ERI3: variants seen among roughly 807,000 people sequenced by gnomAD.
The protein encoded by ERI3 is ERI1 exoribonuclease 3.
A neutral mutation model predicts 44.4 loss-of-function variants in ERI3; 18 were observed. The observed-to-expected ratio is 0.41, with a 90% CI of 0.28 to 0.60. The LOEUF (loss-of-function observed/expected upper bound fraction) is 0.60. Ranked by LOEUF, ERI3 falls within the 20% of genes least tolerant of loss-of-function variation. ERI3 has a pLI of 0.36. For missense variants in ERI3, 294 were observed against 435.5 expected, an observed-to-expected ratio of 0.68 and a Z score of 2.89; for synonymous variants, 183 against 164.8, an observed-to-expected ratio of 1.11 and a Z score of -0.84.
chr1:44,313,221 C>G lies in ERI3; in HGVS notation c.614G>C (p.Gly205Ala). 1 of 1,614,052 alleles carries G rather than the reference C, an allele frequency of 6.2e-7. No homozygotes were observed. The highest frequency in any genetic ancestry group is 8.5e-7 in the Non-Finnish European group (1 of 1,180,008). Residue 205 changes from glycine (G) to alanine (A), a missense_variant, in exon 5 of 9, where the codon GGG becomes GCG. Physicochemically the swap from Gly to Ala is moderately conservative, Grantham distance 60 (BLOSUM62 0). Transcript: ENST00000372257. ...QLTPFCTELTGIIQAMVDGQP... is the reference protein window; with the variant it reads ...QLTPFCTELTAIIQAMVDGQP... ...ACCATCCACCATGGCTTGAATAATC[C>G]CGGTGAGCTGAAAGGAAAGAGAAAT... is the stretch of plus-strand genomic sequence containing the variant.
chr1:44,351,370 C>T (rs1646887018), intron 2 of ERI3, among the ~76,000 whole-genome samples: 1 of 152,188 alleles, frequency 6.6e-6, no homozygotes, highest in African/African-American at 2.4e-5. Flanking sequence ...TGTCAGTCTA[C>T]TGCTTAAAAC....
chr1:44,327,334 A>C (rs1018109427), intron 3 of ERI3, among the ~76,000 whole-genome samples: 1 of 152,240 alleles, frequency 6.6e-6, no homozygotes, highest in African/African-American at 2.4e-5. Context: ...CCAGAGAAGC[A>C]GGGCCTGCCT....
At chr1:44,258,332 C>T (rs1195624466) in intron 7 of ERI3, among the ~76,000 whole-genome samples, 3 of 152,140 alleles carry the variant, frequency 2.0e-5, no homozygotes, top group Admixed American at 1.3e-4. Flanking sequence ...ATTGAGCATG[C>T]GGCACTACCG....
At chr1:44,293,908 G>C (rs1645559126) in intron 6 of ERI3, among the ~76,000 whole-genome samples, 3 of 152,108 alleles carry the variant, frequency 2.0e-5, no homozygotes. Flanking sequence ...TGTAACACTG[G>C]GCTGGGCTCC....
chr1:44,318,941 T>G (rs1271076479), intron 4 of ERI3, among the ~76,000 whole-genome samples: 2 of 152,240 alleles, frequency 1.3e-5, no homozygotes, highest in East Asian at 3.8e-4. Flanking sequence ...CACACAGTTC[T>G]GGGAGTTAGA....
At chr1:44,315,012 C>A (rs1646057447) in intron 4 of ERI3, among the ~76,000 whole-genome samples, 1 of 152,198 alleles carries the variant, frequency 6.6e-6, no homozygotes. Flanking sequence ...GTGACAGACA[C>A]CCACAGGCCC....
At chr1:44,275,651 C>T (rs112386822) in intron 7 of ERI3, among the ~76,000 whole-genome samples, 3,331 of 152,268 alleles carry the variant, frequency 0.022, 57 homozygotes, top group Non-Finnish European at 0.037. Context: ...CTTCGGAGCA[C>T]CCAGAAATTG....
chr1:44,314,154 G>GA (rs1553195908), intron 4 of ERI3, among the ~76,000 whole-genome samples: 1 of 36,484 alleles, frequency 2.7e-5, no homozygotes, highest in Non-Finnish European at 7.4e-5. Flanking sequence ...AAAGTGTGTT[G>GA]GGGGGGGGGA....
chr1:44,308,426 A>G, intron 5 of ERI3, 25 bp from the exon 6 acceptor site: 1 of 1,603,376 alleles, frequency 6.2e-7, no homozygotes, highest in Non-Finnish European at 8.5e-7. Context: ...AGAACAAATG[A>G]GATTTTCCTT....
chr1:44,295,077 T>C (rs1019663612), intron 6 of ERI3, among the ~76,000 whole-genome samples: 1 of 152,160 alleles, frequency 6.6e-6, no homozygotes. Flanking sequence ...ACTTGTCCTA[T>C]ACAGAGTAAG....
chr1:44,326,326 C>A (rs982384502), intron 3 of ERI3, among the ~76,000 whole-genome samples: 2 of 152,136 alleles, frequency 1.3e-5, no homozygotes, highest in Non-Finnish European at 1.5e-5. Context: ...AGCCTCCTGG[C>A]CACAGGGAAG....
chr1:44,281,646 G>T (rs1043117405), intron 7 of ERI3, among the ~76,000 whole-genome samples: 1 of 145,900 alleles, frequency 6.9e-6, no homozygotes, highest in Non-Finnish European at 1.5e-5. Flanking sequence ...TATCGATGAA[G>T]AGATATATAT....
intron 3 of ERI3, among the ~76,000 whole-genome samples, chr1:44,333,592 G>A (rs1343720919): frequency 6.6e-6 from 1 of 152,238 alleles, no homozygotes; most frequent in Non-Finnish European, 1.5e-5. Context: ...GTGTTGGGCA[G>A]GGCGGGGAGG....
chr1:44,248,924 A>C (rs925391167), intron 7 of ERI3, among the ~76,000 whole-genome samples: 2 of 151,010 alleles, frequency 1.3e-5, no homozygotes, highest in African/African-American at 4.9e-5. Flanking sequence ...AGCAACCTCC[A>C]CCTGGGGGGG....
rs1439178348 is a variant in ERI3 at position 44,248,057 on chromosome 1, G to T, written c.832-19C>A. 2 of 1,598,620 alleles carry T rather than the reference G, an allele frequency of 1.3e-6. No individual in the cohort carries two copies. Among genetic ancestry groups the T allele is most frequent in the Non-Finnish European group, 1.7e-6 (2 of 1,168,914 alleles). On this transcript the variant is annotated intron_variant, in intron 7 of 8. Coordinates refer to ENST00000372257, the MANE Select transcript of ERI3 (RefSeq NM_024066.3). Reference sequence around the variant, plus strand: ...TGTAAGCCTGGAAGACAGGAGGCAAGTGGTTAACGGAGGCCCTGACCCTCT... The same window carrying T: ...TGTAAGCCTGGAAGACAGGAGGCAATTGGTTAACGGAGGCCCTGACCCTCT...
chr1:44,229,012 TC>T (rs1229949274), intron 8 of ERI3, among the ~76,000 whole-genome samples: 1 of 152,044 alleles, frequency 6.6e-6, no homozygotes, highest in Non-Finnish European at 1.5e-5. Flanking sequence ...GGAGGGTGAA[TC>T]CCACCTGCTG....
At chr1:44,316,680 A>T (rs565420087) in intron 4 of ERI3, among the ~76,000 whole-genome samples, 5 of 152,360 alleles carry the variant, frequency 3.3e-5, no homozygotes, top group African/African-American at 1.2e-4. Context: ...CTCTTCAGAC[A>T]AAGAGACCAA....
chr1:44,281,601 A>AAAAAAATATATAT (rs1460400186), intron 7 of ERI3, among the ~76,000 whole-genome samples: 1 of 128,056 alleles, frequency 7.8e-6, no homozygotes, highest in African/African-American at 3.3e-5. Flanking sequence ...AAAAAAAAAA[A>AAAAAAATATATAT]ATATATATAT....
In ERI3 at chr1:44,339,340, T is replaced by TAAAAAAAAAAAAAAAAAA. The variant is rs372090718; in HGVS notation, c.212-36_212-19dup. 1.1e-6 allele frequency: 1 copy of TAAAAAAAAAAAAAAAAAA among 871,094 alleles called. No homozygotes were observed. The highest frequency in any genetic ancestry group is 2.8e-5 in the African/African-American group (1 of 36,076). 54.0% of individuals were successfully genotyped at this position (871,094 alleles called of 1,614,324 possible). A position where few individuals can be genotyped will look rare whatever the true frequency, so the allele number is the denominator to read the frequency against. ...ATCTAAAACTTAGGGGAGGAAAGTT[T>TAAAAAAAAAAAAAAAAAA]AAAAAAAAAAAAAAAAAAGAAAAGA... On this transcript the variant is annotated intron_variant, in intron 2 of 8. Coordinates refer to ENST00000372257, the MANE Select transcript of ERI3 (RefSeq NM_024066.3).
Sources: allele counts gnomAD v4.1 joint callset (sites outside exome capture counted in the v4.1 genomes callset), GRCh38; gene constraint gnomAD v4.1.1; transcripts MANE v1.5; gene names NCBI Gene and HGNC (gene_info 2026-07-23, HGNC 2026-07-21).